The following GABRB3 variants were observed in gnomAD, a reference collection of about 807,000 sequenced individuals.
The protein encoded by GABRB3 is gamma-aminobutyric acid receptor subunit beta-3.
In GABRB3, 14 loss-of-function variants were observed where a neutral mutation model predicts 52.1. The ratio of observed to expected loss-of-function variants is 0.27; its 90% CI spans 0.18 to 0.42. GABRB3 has a LOEUF of 0.42. Ranked by LOEUF, GABRB3 falls within the 10% of genes least tolerant of loss-of-function variation. The pLI is 1.00. For synonymous variants in GABRB3, 260 were observed against 232.3 expected (o/e 1.12, Z -1.08); for missense variants, 307 against 609.1 (o/e 0.50, Z 5.22).
At chr15:26,588,338 T>C (rs1891071896) in intron 4 of GABRB3, among the ~76,000 whole-genome samples, 1 of 152,136 alleles carries the variant, frequency 6.6e-6, no homozygotes, top group South Asian at 2.1e-4. Context: ...AGTTGCTCAG[T>C]GCCCAGTTCT....
At chr15:26,742,311 T>A (rs2140161805) in intron 3 of GABRB3, among the ~76,000 whole-genome samples, 1 of 152,116 alleles carries the variant, frequency 6.6e-6, no homozygotes, top group East Asian at 1.9e-4. Flanking sequence ...GCGTGAATAT[T>A]GTCCCATCCA....
intron 8 of GABRB3, among the ~76,000 whole-genome samples, chr15:26,556,137 G>C (rs2140667608): frequency 6.6e-6 from 1 of 152,240 alleles, no homozygotes; most frequent in South Asian, 2.1e-4. Context: ...TTATTTTGAA[G>C]GGTTCATCTC....
At chr15:26,619,561 T>G (rs1156998913) in intron 4 of GABRB3, among the ~76,000 whole-genome samples, 1 of 150,804 alleles carries the variant, frequency 6.6e-6, no homozygotes, top group Non-Finnish European at 1.5e-5. Context: ...GATATATACC[T>G]AATGCTAGAT....
chr15:26,554,021 T>TTTTATATATATATATATATATATATA (rs1555400756), intron 8 of GABRB3, among the ~76,000 whole-genome samples: 32 of 23,676 alleles, frequency 1.4e-3, no homozygotes, highest in African/African-American at 4.9e-3. Context: ...ACCTGACTAT[T>TTTTATATATATATATATATATATATA]TATATATATA....
At chr15:26,554,167 A>G (rs1217722290) in intron 8 of GABRB3, among the ~76,000 whole-genome samples, 3 of 29,826 alleles carry the variant, frequency 1.0e-4, no homozygotes, top group African/African-American at 4.1e-4. Context: ...TAAAGTATAT[A>G]TATATAAAGT....
chr15:26,639,342 A>G (rs1051065202), intron 3 of GABRB3, among the ~76,000 whole-genome samples: 10 of 51,062 alleles, frequency 2.0e-4, no homozygotes, highest in African/African-American at 4.0e-4. Context: ...AAAATATTTG[A>G]AAAAAAAAAA....
chr15:26,710,304 C>G (rs1664052611), intron 3 of GABRB3, among the ~76,000 whole-genome samples: 1 of 152,102 alleles, frequency 6.6e-6, no homozygotes, highest in Admixed American at 6.6e-5. Flanking sequence ...TCTTGTTGCT[C>G]AGGCTGGAGT....
chr15:26,640,469 A>G (rs1893171116), intron 3 of GABRB3, among the ~76,000 whole-genome samples: 1 of 152,162 alleles, frequency 6.6e-6, no homozygotes, highest in Non-Finnish European at 1.5e-5. Flanking sequence ...GTGAGCCGAG[A>G]TCACGCCACT....
Position 26,547,925 on chromosome 15 carries a change from C to T in GABRB3, c.1290G>A (p.Arg430=), listed in dbSNP as rs758500950. ...SLPHKKTHLR[R]RSSQLKIKIP... ...TTTTAATTTTGAGCTGTGAAGACCT[C>T]CTCCGTAGATGGGTCTTCTTGTGCG... Residue 430 remains arginine (R), a synonymous_variant, in exon 9 of 9, where the codon AGG becomes AGA. Transcript: ENST00000311550. The T allele has an allele frequency of 5.0e-6, 8 of 1,613,994 alleles. No individual in the cohort carries two copies. The highest frequency in any genetic ancestry group is 8.5e-7 in the Non-Finnish European group (1 of 1,179,986).
At chr15:26,557,668 T>C (rs1030524608) in intron 8 of GABRB3, 1 of 152,178 alleles carries the variant, frequency 6.6e-6, no homozygotes, top group Admixed American at 6.5e-5. Flanking sequence ...AGCATACACA[T>C]AATCATACGT....
chr15:26,580,462 A>G lies in GABRB3; in HGVS notation c.545-6T>C. On this transcript the variant is annotated splice_region_variant and splice_polypyrimidine_tract_variant and intron_variant, in intron 5 of 8. Transcript: ENST00000311550. Reference sequence around the variant, plus strand: ...GTCATCCGTGGTGTAGCCATCTGCCAAGAGAGAAGCAGGGAGACAGCAAAC... The same window carrying G: ...GTCATCCGTGGTGTAGCCATCTGCCGAGAGAGAAGCAGGGAGACAGCAAAC... 6.2e-7 allele frequency: 1 copy of G among 1,614,158 alleles called. No individual in the cohort carries two copies. Among genetic ancestry groups the G allele is most frequent in the Non-Finnish European group, 8.5e-7 (1 of 1,180,020 alleles).
At chr15:26,648,661 A>G (rs1369123121) in intron 3 of GABRB3, among the ~76,000 whole-genome samples, 1 of 152,242 alleles carries the variant, frequency 6.6e-6, no homozygotes, top group East Asian at 1.9e-4. Context: ...CAAGGCATAC[A>G]GAAGAGGCCA....
chr15:26,573,545 T>C (rs1364112233), intron 6 of GABRB3, among the ~76,000 whole-genome samples: 1 of 152,208 alleles, frequency 6.6e-6, no homozygotes, highest in South Asian at 2.1e-4. Context: ...AGCCTCTCCA[T>C]TATTTGGGAT....
intron 3 of GABRB3, among the ~76,000 whole-genome samples, chr15:26,662,218 A>T (rs1024671851): frequency 1.1e-4 from 16 of 152,232 alleles, no homozygotes; most frequent in African/African-American, 3.4e-4. Flanking sequence ...ATACAAAGAA[A>T]ATAGGCATTG....
chr15:26,702,221 T>TA (rs1434643145), intron 3 of GABRB3, among the ~76,000 whole-genome samples: 1 of 151,596 alleles, frequency 6.6e-6, no homozygotes, highest in East Asian at 1.9e-4. Flanking sequence ...GCACAATTTG[T>TA]AAAAAACACT....
chr15:26,615,711 T>A (rs1393457251), intron 4 of GABRB3: 1 of 1,068,054 alleles, frequency 9.4e-7, no homozygotes, highest in African/African-American at 1.6e-5. Context: ...CCACTGATGC[T>A]GTTCCCATAA....
chr15:26,548,752 A>G (rs1372806229), intron 8 of GABRB3, among the ~76,000 whole-genome samples: 1 of 152,148 alleles, frequency 6.6e-6, no homozygotes, highest in African/African-American at 2.4e-5. Flanking sequence ...CCTTCCCACA[A>G]TGGAGCCAAA....
chr15:26,613,098 C>T (rs992322928), intron 4 of GABRB3: 1 of 152,354 alleles, frequency 6.6e-6, no homozygotes, highest in Non-Finnish European at 1.5e-5. Flanking sequence ...GTCTGAGCAA[C>T]AGAGCAAGAC....
Position 26,727,391 on chromosome 15 carries a change from T to C in GABRB3, c.240+45011A>G, listed in dbSNP as rs117796810. 4.5e-3 allele frequency among the ~76,000 whole-genome samples: 687 copies of C among 152,330 alleles called. 5 individuals are homozygous for C. The highest frequency in any genetic ancestry group is 0.017 in the Middle Eastern group (5 of 294). On this transcript the variant is annotated intron_variant, in intron 3 of 8. Coordinates refer to ENST00000311550, the MANE Select transcript of GABRB3 (RefSeq NM_000814.6). The stretch of plus-strand genomic sequence containing the variant: ...TATTCTATGGAATACTTTTATTCTA[T>C]AGGTTTTAGTACAAAATGATGTCAT...
Sources: gnomAD v4.1 joint callset for allele counts (sites outside exome capture counted in the v4.1 genomes callset) on GRCh38, gnomAD v4.1.1 for gene constraint, MANE v1.5 for transcripts, NCBI Gene and HGNC (gene_info 2026-07-23, HGNC 2026-07-21) for gene names.